The following ARL14EPL variants were observed in gnomAD, a reference collection of about 807,000 sequenced individuals.
ARL14EPL encodes ARF like GTPase 14 effector protein like, also known as ARL14 effector protein-like.
Under a neutral mutation model 15.9 loss-of-function variants are expected in ARL14EPL, and 17 were observed. That is an observed-to-expected ratio of 1.07 (90% CI 0.73 to 1.60). The LOEUF is 1.60. Among genes scored for constraint, ARL14EPL ranks in the 40% most tolerant of loss-of-function variants. The pLI is 0.00. For missense variants in ARL14EPL, 214 were observed against 185.9 expected, an observed-to-expected ratio of 1.15 and a Z score of -0.88; for synonymous variants, 78 against 63.8, an observed-to-expected ratio of 1.22 and a Z score of -1.06.
intron 2 of ARL14EPL, among the ~76,000 whole-genome samples, chr5:116,053,739 G>A (rs1391424622): frequency 1.3e-5 from 2 of 152,004 alleles, no homozygotes; most frequent in African/African-American, 2.4e-5. Flanking sequence ...GGCGTTTTGC[G>A]GTTTTAAAAA....
chr5:116,035,461 G>C (rs1043035334), intron 1 of ARL14EPL, among the ~76,000 whole-genome samples: 1 of 152,166 alleles, frequency 6.6e-6, no homozygotes. Context: ...TCTATAGTTG[G>C]TCAGGAAATC....
chr5:116,049,051 G>A (rs1008283780), intron 1 of ARL14EPL, among the ~76,000 whole-genome samples: 1 of 152,086 alleles, frequency 6.6e-6, no homozygotes, highest in African/African-American at 2.4e-5. Flanking sequence ...TTGTTTGGAC[G>A]TAGCCCATGG....
chr5:116,040,848 G>T (rs1749139615), intron 1 of ARL14EPL, among the ~76,000 whole-genome samples: 1 of 149,378 alleles, frequency 6.7e-6, no homozygotes, highest in Non-Finnish European at 1.5e-5. Flanking sequence ...GGGCGTGGTG[G>T]CGGGCGCCTG....
At chr5:116,041,981 A>C (rs1749168020) in intron 1 of ARL14EPL, among the ~76,000 whole-genome samples, 1 of 152,072 alleles carries the variant, frequency 6.6e-6, no homozygotes, top group South Asian at 2.1e-4. Context: ...GGCATGAGCC[A>C]CTATGCTCGG....
intron 1 of ARL14EPL, among the ~76,000 whole-genome samples, chr5:116,043,469 C>A (rs1168995503): frequency 2.0e-5 from 3 of 151,930 alleles, no homozygotes; most frequent in African/African-American, 7.2e-5. Context: ...TCTGGACTTG[C>A]AAATTTAATG....
Position 116,051,496 on chromosome 5 carries a change from A to G in ARL14EPL, c.31A>G (p.Ile11Val), listed in dbSNP as rs1749378642. The change falls in exon 2 of 4, where the codon ATT becomes GTT. Residue 11 changes from isoleucine (I) to valine (V), a missense_variant. By Grantham distance (29) the Ile-to-Val change is conservative. Transcript: ENST00000686077. MNEQSEKNNS[I>V]QERHTDHSFP... ...TGAACAATCAGAGAAAAACAATTCC[A>G]TTCAAGAGAGACACACAGATCATAG... 6.5e-7 allele frequency: 1 copy of G among 1,535,814 alleles called. No individual in the cohort carries two copies. The highest frequency in any genetic ancestry group is 2.4e-5 in the East Asian group (1 of 40,926).
Position 116,052,033 on chromosome 5 carries a change from C to G in ARL14EPL, c.96+472C>G, listed in dbSNP as rs1330189717. 10 of 1,612,450 alleles carry G rather than the reference C, an allele frequency of 6.2e-6. No individual in the cohort carries two copies. In the East Asian group the frequency reaches 1.1e-4, roughly 18 times the overall value. On this transcript the variant is annotated intron_variant, in intron 2 of 3. Coordinates refer to ENST00000686077, the MANE Select transcript of ARL14EPL (RefSeq NM_001195581.2). ...TACTAAGGAGCTCCTGAAGGGCTGC[C>G]CTGGCCAGGGAGCCTCGAATCTTCA...
At chr5:116,053,991 T>C (rs1255226422) in intron 2 of ARL14EPL, 23 bp from the exon 3 acceptor site, 22 of 1,519,798 alleles carry the variant, frequency 1.4e-5, no homozygotes, top group East Asian at 2.5e-5. Context: ...TTCTTACTAT[T>C]AATACATTTA....
At chr5:116,041,820 A>G (rs906027354) in intron 1 of ARL14EPL, among the ~76,000 whole-genome samples, 1 of 151,898 alleles carries the variant, frequency 6.6e-6, no homozygotes, top group Non-Finnish European at 1.5e-5. Context: ...TTTTCTAGTC[A>G]GTCTTTTTTA....
Position 116,052,353 on chromosome 5 carries a change from GT to G in ARL14EPL, c.96+797del, listed in dbSNP as rs1580416445. 5.9e-6 allele frequency: 5 copies of G among 851,640 alleles called. No individual in the cohort carries two copies. The East Asian group carries it at 9.7e-5, about 16-fold the overall frequency. The allele number at this position is 851,640 out of a possible 1,614,324, so 52.8% of individuals were successfully genotyped here. On this transcript the variant is annotated intron_variant, in intron 2 of 3. Transcript: ENST00000686077. ...GATGTCGGACAAAAAAGCTACAAAT[GT>G]TTTTATTTAATGAACCTTTATTTTG...
intron 1 of ARL14EPL, among the ~76,000 whole-genome samples, chr5:116,034,688 A>G (rs1749016185): frequency 8.4e-6 from 1 of 118,960 alleles, no homozygotes; most frequent in South Asian, 2.6e-4. Flanking sequence ...TGGGTGATAT[A>G]CCATTTGAGC....
intron 1 of ARL14EPL, among the ~76,000 whole-genome samples, chr5:116,044,235 G>A (rs1021155426): frequency 6.6e-6 from 1 of 152,094 alleles, no homozygotes; most frequent in Non-Finnish European, 1.5e-5. Flanking sequence ...TAATGAAATA[G>A]CAGTGTTTAC....
Position 116,053,689 on chromosome 5 carries a change from A to G in ARL14EPL, c.97-325A>G, listed in dbSNP as rs148097985. Reference sequence around the variant, plus strand: ...TTCATCCTTACCCACATCAAATGCTAATTCTGATGTGCATCCCCATCAGAT... The same window carrying G: ...TTCATCCTTACCCACATCAAATGCTGATTCTGATGTGCATCCCCATCAGAT... On this transcript the variant is annotated intron_variant, in intron 2 of 3. Coordinates refer to ENST00000686077, the MANE Select transcript of ARL14EPL (RefSeq NM_001195581.2). Among the ~76,000 whole-genome samples, 49 of 152,308 alleles carry G rather than the reference A, an allele frequency of 3.2e-4. 1 individual carries two copies. The East Asian group carries it at 6.7e-3, about 21-fold the overall frequency.
chr5:116,040,134 A>C (rs1304317981), intron 1 of ARL14EPL, among the ~76,000 whole-genome samples: 2 of 152,162 alleles, frequency 1.3e-5, no homozygotes, highest in Non-Finnish European at 2.9e-5. Flanking sequence ...ATTTTTGCGA[A>C]GATCTTTGTC....
intron 1 of ARL14EPL, chr5:116,051,249 C>A (rs1749370628): frequency 2.2e-6 from 1 of 462,338 alleles, no homozygotes; most frequent in African/African-American, 2.0e-5. Flanking sequence ...CTCCTGGAAC[C>A]CCCGGCAGAG....
chr5:116,045,531 C>G (rs2112672864), intron 1 of ARL14EPL, among the ~76,000 whole-genome samples: 1 of 152,190 alleles, frequency 6.6e-6, no homozygotes, highest in South Asian at 2.1e-4. Flanking sequence ...AGTAGAGAGG[C>G]CCTTTTAGAT....
intron 1 of ARL14EPL, among the ~76,000 whole-genome samples, chr5:116,045,509 C>T (rs1048848057): frequency 6.6e-6 from 1 of 152,034 alleles, no homozygotes; most frequent in Non-Finnish European, 1.5e-5. Flanking sequence ...ATCCATAGTA[C>T]AAATAAGGTG....
intron 1 of ARL14EPL, among the ~76,000 whole-genome samples, chr5:116,035,565 G>A (rs981289418): frequency 2.0e-5 from 3 of 152,182 alleles, no homozygotes; most frequent in Admixed American, 1.3e-4. Context: ...AGAAAACATC[G>A]AGGCAGGAAC....
Position 116,058,818 on chromosome 5 carries a change from C to A in ARL14EPL, c.330C>A (p.Tyr110Ter). The A allele has an allele frequency of 6.5e-7, 1 of 1,536,056 alleles. No homozygotes were observed. Among genetic ancestry groups the A allele is most frequent in the Non-Finnish European group, 8.7e-7 (1 of 1,146,898 alleles). The change falls in exon 4 of 4, where the codon TAC (tyrosine) becomes TAA (stop). Residue 110 changes from tyrosine to a stop codon, truncating the protein, a stop_gained. Transcript: ENST00000686077. LOFTEE classifies it high-confidence loss of function. ...CLEKNCLGCFYPCPKCNSNKC... is the reference protein window; with the variant it reads ...CLEKNCLGCF Reference sequence around the variant, plus strand: ...AGAAGAACTGCCTGGGCTGCTTCTACCCATGCCCGAAGTGTAACTCCAACA... The same window carrying A: ...AGAAGAACTGCCTGGGCTGCTTCTAACCATGCCCGAAGTGTAACTCCAACA...
Sources: gnomAD v4.1 joint callset for allele counts (sites outside exome capture counted in the v4.1 genomes callset) on GRCh38, gnomAD v4.1.1 for gene constraint, MANE v1.5 for transcripts, NCBI Gene and HGNC (gene_info 2026-07-23, HGNC 2026-07-21) for gene names.